USP53: variants seen among roughly 807,000 people sequenced by gnomAD.
The protein encoded by USP53 is ubiquitin carboxyl-terminal hydrolase 53.
In USP53, 71 loss-of-function variants were observed where a neutral mutation model predicts 94.9. The observed-to-expected ratio is 0.75, with a 90% CI of 0.62 to 0.91. USP53 has a LOEUF of 0.91. Among genes scored for constraint, USP53 ranks in the 40% least tolerant of loss-of-function variants. USP53 has a pLI of 0.00. For missense variants in USP53, 1,173 were observed against 1,281.0 expected (o/e 0.92, Z 1.29); for synonymous variants, 375 against 422.7 (o/e 0.89, Z 1.39).
chr4:119,253,200 T>C (rs933632261), intron 7 of USP53, among the ~76,000 whole-genome samples: 1 of 152,170 alleles, frequency 6.6e-6, no homozygotes, highest in African/African-American at 2.4e-5. Context: ...TCTGTTGATT[T>C]GGGGTGTAGA....
intron 12 of USP53, among the ~76,000 whole-genome samples, chr4:119,262,878 T>C (rs993642261): frequency 1.3e-5 from 2 of 152,252 alleles, no homozygotes; most frequent in Admixed American, 1.3e-4. Flanking sequence ...CCTAAAGTTT[T>C]GATTCAGTGG....
At chr4:119,245,266 TA>T in intron 5 of USP53, 70 bp from the exon 6 acceptor site, 1 of 1,452,862 alleles carries the variant, frequency 6.9e-7, no homozygotes, top group Non-Finnish European at 9.6e-7. Context: ...GTAAAATATC[TA>T]AATCTGTCTT....
Position 119,292,555 on chromosome 4 carries a change from A to G in USP53, c.2566A>G (p.Ser856Gly), listed in dbSNP as rs780121273. The G allele has an allele frequency of 3.7e-6, 6 of 1,614,060 alleles. No individual in the cohort carries two copies. The highest frequency in any genetic ancestry group is 5.1e-6 in the Non-Finnish European group (6 of 1,179,938). The change falls in exon 19 of 19, where the codon AGT becomes GGT. Residue 856 changes from serine to glycine, a missense_variant. Physicochemically the swap from Ser to Gly is moderately conservative, Grantham distance 56. Coordinates refer to ENST00000692078, the MANE Select transcript of USP53 (RefSeq NM_001371395.1). ...CTCTGCTTCTGGGAAGAGAGTGAAC[A>G]GTAATGAACCATCTTCATTATGGTC... Reference protein sequence around the residue: ...DNSASGKRVNSNEPSSLWSSH... With the variant: ...DNSASGKRVNGNEPSSLWSSH...
rs375377342 is a variant in USP53 at position 119,245,375 on chromosome 4, G to C, written c.183G>C (p.Arg61=). 4 of 1,613,660 alleles carry C rather than the reference G, an allele frequency of 2.5e-6. No homozygotes were observed. Among genetic ancestry groups the C allele is most frequent in the African/African-American group, 2.7e-5 (2 of 74,894 alleles). The stretch of plus-strand genomic sequence containing the variant: ...TGGATATATTCCGACGAAGCTTGCG[G>C]GTTTTGACTGGACATGTTTGTCAGG... ...WQLDIFRRSL[R]VLTGHVCQGD... is the part of the protein sequence containing the mutation. The change falls in exon 6 of 19, where the codon CGG becomes CGC. Residue 61 remains arginine, a synonymous_variant. Coordinates refer to ENST00000692078, the MANE Select transcript of USP53 (RefSeq NM_001371395.1).
intron 17 of USP53, among the ~76,000 whole-genome samples, chr4:119,280,503 A>G (rs1561338304): frequency 6.6e-6 from 1 of 152,288 alleles, no homozygotes; most frequent in Non-Finnish European, 1.5e-5. Context: ...TCTATGGGAA[A>G]TAGGCATAAA....
At chr4:119,257,454 A>T (rs1749931952) in intron 9 of USP53, among the ~76,000 whole-genome samples, 1 of 152,144 alleles carries the variant, frequency 6.6e-6, no homozygotes, top group South Asian at 2.1e-4. Context: ...AACAGCAACA[A>T]CAAAAAAGTT....
chr4:119,239,817 C>G lies in USP53; in HGVS notation c.58C>G (p.Pro20Ala), dbSNP rs765698235. ...PGGNLGKVYQ[P>A]GSMLSLAPTK... ...TGGCAATCTTGGAAAAGTTTATCAG[C>G]CTGGAAGTATGCTATCACTAGCCCC... Residue 20 changes from proline to alanine, a missense_variant, in exon 5 of 19, where the codon CCT becomes GCT. Physicochemically the swap from Pro to Ala is conservative, Grantham distance 27 (BLOSUM62 -1). Transcript: ENST00000692078. The G allele has an allele frequency of 3.1e-6, 5 of 1,612,492 alleles. No individual in the cohort carries two copies. The African/African-American group carries it at 6.7e-5, about 22-fold the overall frequency.
intron 5 of USP53, among the ~76,000 whole-genome samples, chr4:119,241,836 G>A (rs1414249304): frequency 6.6e-6 from 1 of 152,114 alleles, no homozygotes; most frequent in Non-Finnish European, 1.5e-5. Flanking sequence ...AGTTACATAT[G>A]TAGTGAGTTG....
chr4:119,256,554 G>A (rs779664806), intron 9 of USP53, 31 bp downstream of exon 9: 8 of 1,587,020 alleles, frequency 5.0e-6, no homozygotes, highest in African/African-American at 1.3e-5. Flanking sequence ...AATTATCAAC[G>A]ATATTAATAA....
At position 119,271,467 on chromosome 4, in the gene USP53, A is replaced by T. The variant is rs189043124; in HGVS notation, c.1607A>T (p.Lys536Ile). 2.3e-5 allele frequency: 37 copies of T among 1,613,630 alleles called. No homozygotes were observed. The African/African-American group carries it at 4.7e-4, about 20-fold the overall frequency. The change falls in exon 16 of 19, where the codon AAA becomes ATA. Residue 536 changes from lysine (K) to isoleucine (I), a missense_variant. By Grantham distance (102) the Lys-to-Ile change is moderately radical. Transcript: ENST00000692078. Reference protein sequence around the residue: ...RASAQIISSSKSQILAPGEKI... With the variant: ...RASAQIISSSISQILAPGEKI... ...TCTGCACAAATAATAAGTTCAAGTA[A>T]ATCCCAGATTCTTGCTCCAGGAGAG...
In USP53 at chr4:119,256,376, A is replaced by G. The variant is rs1295921392; in HGVS notation, c.486+17A>G. ...TATGAACAGGTGAGATGGCTTGATT[A>G]TTATTTAGATATTGTAGTTCTGTTT... On this transcript the variant is annotated intron_variant, in intron 8 of 18. Transcript: ENST00000692078. 2 of 1,613,218 alleles carry G rather than the reference A, an allele frequency of 1.2e-6. No individual in the cohort carries two copies. Among genetic ancestry groups the G allele is most frequent in the African/African-American group, 1.3e-5 (1 of 75,016 alleles).
intron 12 of USP53, 118 bp from the exon 13 acceptor site, chr4:119,267,202 C>T: frequency 2.5e-6 from 2 of 808,260 alleles, no homozygotes; most frequent in South Asian, 4.2e-5. Flanking sequence ...ACTTGAACTA[C>T]TAGCAGCTGC....
intron 7 of USP53, among the ~76,000 whole-genome samples, chr4:119,252,032 C>T (rs1448701228): frequency 6.6e-6 from 1 of 152,106 alleles, no homozygotes; most frequent in East Asian, 1.9e-4. Context: ...TGATGGATTA[C>T]ATTTATTGAT....
In USP53 at chr4:119,292,762, C is replaced by T. The variant is rs762793033; in HGVS notation, c.2773C>T (p.Pro925Ser). ...TTGCCAGAATCTACCACCCCCTTTG[C>T]CACCAAAGAAATATGCTATAACCAG... ...LFCQNLPPPL[P>S]PKKYAITSVP... The change falls in exon 19 of 19, where the codon CCA becomes TCA. Residue 925 changes from proline to serine, a missense_variant. Pro to Ser is a moderately conservative substitution (Grantham distance 74). Transcript: ENST00000692078. 8.1e-6 allele frequency: 13 copies of T among 1,614,016 alleles called. No individual in the cohort carries two copies. The highest frequency in any genetic ancestry group is 1.1e-5 in the Non-Finnish European group (13 of 1,179,956).
At chr4:119,214,923 C>T (rs1425029036) in intron 2 of USP53, among the ~76,000 whole-genome samples, 2 of 152,102 alleles carry the variant, frequency 1.3e-5, no homozygotes, top group African/African-American at 4.8e-5. Flanking sequence ...TACAACTTTC[C>T]GAAAACACAG....
chr4:119,284,250 GAAGTA>G (rs1753836068), intron 17 of USP53, among the ~76,000 whole-genome samples: 1 of 150,900 alleles, frequency 6.6e-6, no homozygotes, highest in Admixed American at 6.6e-5. Flanking sequence ...GAGGTATTTA[GAAGTA>G]AAGGGCCATG....
chr4:119,236,849 C>G (rs1746833852), intron 4 of USP53, among the ~76,000 whole-genome samples: 1 of 152,136 alleles, frequency 6.6e-6, no homozygotes, highest in East Asian at 1.9e-4. Context: ...ATATTTTGCC[C>G]TCCTCTTGTG....
chr4:119,264,889 G>A (rs1419470741), intron 12 of USP53, among the ~76,000 whole-genome samples: 1 of 152,150 alleles, frequency 6.6e-6, no homozygotes, highest in Non-Finnish European at 1.5e-5. Context: ...AACTAGAAAT[G>A]ACTCAAATGT....
intron 17 of USP53, among the ~76,000 whole-genome samples, chr4:119,282,436 G>A (rs1225224540): frequency 6.6e-6 from 1 of 152,094 alleles, no homozygotes; most frequent in Non-Finnish European, 1.5e-5. Flanking sequence ...CCCACCAGCA[G>A]TGCATAAGGA....
Sources: gnomAD v4.1 joint callset for allele counts (sites outside exome capture counted in the v4.1 genomes callset) on GRCh38, gnomAD v4.1.1 for gene constraint, MANE v1.5 for transcripts, NCBI Gene and HGNC (gene_info 2026-07-23, HGNC 2026-07-21) for gene names.